The following DIP2C variants were observed in gnomAD, a reference collection of about 807,000 sequenced individuals.
DIP2C encodes DIP2 acetate--CoA ligase C (putative), also known as disco-interacting protein 2 homolog C.
A neutral mutation model predicts 192.4 loss-of-function variants in DIP2C; 33 were observed. The observed-to-expected ratio is 0.17, with a 90% CI of 0.13 to 0.23. The LOEUF is 0.23. Ranked by LOEUF, DIP2C falls within the 10% of genes least tolerant of loss-of-function variation. The probability of loss-of-function intolerance (pLI) is 1.00; values close to 1 mark genes in which losing one functional copy is unlikely to be tolerated. For missense variants in DIP2C, 1,537 were observed against 2,110.1 expected, an observed-to-expected ratio of 0.73 and a Z score of 5.32; for synonymous variants, 979 against 864.1, an observed-to-expected ratio of 1.13 and a Z score of -2.33.
At chr10:427,802 C>A (rs1966691153) in intron 4 of DIP2C, among the ~76,000 whole-genome samples, 1 of 152,210 alleles carries the variant, frequency 6.6e-6, no homozygotes, top group Non-Finnish European at 1.5e-5. Flanking sequence ...TGCTCATATA[C>A]TGCTGGTGGC....
rs1564685159 is a variant in DIP2C, at chr10:417,750, A to ACAGGCC, written c.739+1314_739+1315insGGCCTG. ...TCTGCCTGCGCCTGTCAGGGCTCGGATAGGCATCCCTGTCCACCTGCACCT... is the reference window on the plus strand; with the variant it reads ...TCTGCCTGCGCCTGTCAGGGCTCGGACAGGCCTAGGCATCCCTGTCCACCTGCACCT... On this transcript the variant is annotated intron_variant, in intron 6 of 36. Coordinates refer to ENST00000280886, the MANE Select transcript of DIP2C (RefSeq NM_014974.3). 1.1e-4 allele frequency among the ~76,000 whole-genome samples: 14 copies of ACAGGCC among 130,632 alleles called. 5 individuals carry two copies. The highest frequency in any genetic ancestry group is 7.5e-4 in the South Asian group (3 of 3,994). 85.7% of individuals were successfully genotyped at this position (130,632 alleles called of 152,430 possible).
At chr10:552,482 G>A (rs992782640) in intron 1 of DIP2C, among the ~76,000 whole-genome samples, 2 of 152,172 alleles carry the variant, frequency 1.3e-5, no homozygotes, top group African/African-American at 4.8e-5. Context: ...TGTTCTCATA[G>A]ACTAAGTATT....
intron 1 of DIP2C, chr10:664,678 T>C (rs1856978065): frequency 6.6e-6 from 1 of 152,232 alleles, no homozygotes; most frequent in Non-Finnish European, 1.5e-5. Flanking sequence ...ATCTCAATTT[T>C]TTATACTGTT....
intron 4 of DIP2C, among the ~76,000 whole-genome samples, chr10:425,311 G>A (rs1268232741): frequency 1.2e-5 from 1 of 81,704 alleles, no homozygotes; most frequent in East Asian, 3.6e-4. Context: ...AGCATGACCA[G>A]CGGTGACTAA....
chr10:630,745 T>G (rs1753662292), intron 1 of DIP2C: 1 of 152,250 alleles, frequency 6.6e-6, no homozygotes, highest in South Asian at 2.1e-4. Context: ...AGGAACCTCA[T>G]AAGTCTTGCT....
chr10:280,161 G>A (rs1297286476), intron 36 of DIP2C, among the ~76,000 whole-genome samples: 6 of 152,158 alleles, frequency 3.9e-5, no homozygotes, highest in Non-Finnish European at 8.8e-5. Flanking sequence ...ACACGAACAC[G>A]GACAGGTATG....
chr10:581,295 C>T (rs1262935997), intron 1 of DIP2C, among the ~76,000 whole-genome samples: 1 of 152,168 alleles, frequency 6.6e-6, no homozygotes, highest in African/African-American at 2.4e-5. Flanking sequence ...CATCCACACC[C>T]AACTTTCTAA....
At chr10:365,669 G>A (rs976592987) in intron 19 of DIP2C, among the ~76,000 whole-genome samples, 10 of 152,248 alleles carry the variant, frequency 6.6e-5, no homozygotes, top group African/African-American at 2.4e-4. Flanking sequence ...GTTCTGAGTT[G>A]CAGCACTGAA....
chr10:425,803 A>G (rs1053515161), intron 4 of DIP2C, among the ~76,000 whole-genome samples: 4 of 152,274 alleles, frequency 2.6e-5, no homozygotes, highest in Non-Finnish European at 1.5e-5. Flanking sequence ...CTTAGGAGAC[A>G]TAGAAAAGTA....
At chr10:642,901 A>T (rs1855268692) in intron 1 of DIP2C, among the ~76,000 whole-genome samples, 1 of 152,252 alleles carries the variant, frequency 6.6e-6, no homozygotes, top group Non-Finnish European at 1.5e-5. Flanking sequence ...AAGAAAAAGA[A>T]GATTTAAGAA....
intron 1 of DIP2C, among the ~76,000 whole-genome samples, chr10:605,583 T>G (rs1444934651): frequency 6.6e-6 from 1 of 152,054 alleles, no homozygotes; most frequent in Non-Finnish European, 1.5e-5. Context: ...TTAGATGGAG[T>G]GTGAAGACTG....
At chr10:287,519 G>A (rs1312864561) in intron 33 of DIP2C, among the ~76,000 whole-genome samples, 3 of 152,104 alleles carry the variant, frequency 2.0e-5, no homozygotes, top group Non-Finnish European at 4.4e-5. Context: ...AGACTGTTAG[G>A]ATGGATGGTG....
In DIP2C at chr10:564,107, A is replaced by C. The variant is rs373508542; in HGVS notation, c.86-77577T>G. The stretch of plus-strand genomic sequence containing the variant: ...TAATCAGGTAAAAAATATGGAACAG[A>C]AAAAGACTTAGGGGAGCAAATTCTC... On this transcript the variant is annotated intron_variant, in intron 1 of 36. Coordinates refer to ENST00000280886, the MANE Select transcript of DIP2C (RefSeq NM_014974.3). Among the ~76,000 whole-genome samples the C allele has an allele frequency of 2.0e-5, 3 of 152,242 alleles. No individual in the cohort carries two copies. In the East Asian group the frequency reaches 5.8e-4, roughly 29 times the overall value.
chr10:543,941 G>A (rs1244552654), intron 1 of DIP2C, among the ~76,000 whole-genome samples: 7 of 152,232 alleles, frequency 4.6e-5, no homozygotes, highest in Admixed American at 6.5e-5. Context: ...CCTGGCAATC[G>A]CCAGCCGACT....
rs967983661 is a variant in DIP2C, at chr10:373,199, C to A, written c.1992-3566G>T. Among the ~76,000 whole-genome samples, 5 of 152,148 alleles carry A rather than the reference C, an allele frequency of 3.3e-5. No homozygotes were observed. The East Asian group carries it at 5.8e-4, about 18-fold the overall frequency. Reference sequence around the variant, plus strand: ...ATCCCAGGACACTGAGTGAATCAGTCTACTGCTCTCTTCTTTTTATAAAAA... The same window carrying A: ...ATCCCAGGACACTGAGTGAATCAGTATACTGCTCTCTTCTTTTTATAAAAA... On this transcript the variant is annotated intron_variant, in intron 17 of 36. Coordinates refer to ENST00000280886, the MANE Select transcript of DIP2C (RefSeq NM_014974.3).
At chr10:376,579 A>T (rs1961624989) in intron 17 of DIP2C, among the ~76,000 whole-genome samples, 1 of 144,284 alleles carries the variant, frequency 6.9e-6, no homozygotes, top group Non-Finnish European at 1.5e-5. Flanking sequence ...TTTTTTAAAC[A>T]GGGCAGCTAC....
chr10:347,724 A>G (rs1198045090), intron 26 of DIP2C, among the ~76,000 whole-genome samples: 9 of 132,488 alleles, frequency 6.8e-5, no homozygotes, highest in Non-Finnish European at 1.1e-4. Context: ...CAACCCAGAC[A>G]CATCGCGCAT....
intron 1 of DIP2C, among the ~76,000 whole-genome samples, chr10:568,684 T>C (rs796145615): frequency 1.3e-4 from 18 of 137,828 alleles, no homozygotes; most frequent in African/African-American, 4.9e-4. Context: ...GAGAATGGCG[T>C]GAACCCGGGA....
chr10:354,296 T>C (rs1325759414), intron 24 of DIP2C, among the ~76,000 whole-genome samples: 1 of 152,162 alleles, frequency 6.6e-6, no homozygotes, highest in Non-Finnish European at 1.5e-5. Flanking sequence ...TTCCGGGAAA[T>C]ACATTTTCCC....
Sources: gnomAD v4.1 joint callset for allele counts (sites outside exome capture counted in the v4.1 genomes callset) on GRCh38, gnomAD v4.1.1 for gene constraint, MANE v1.5 for transcripts, NCBI Gene and HGNC (gene_info 2026-07-23, HGNC 2026-07-21) for gene names.